EHD3: variants seen among roughly 807,000 people sequenced by gnomAD.
EHD3 encodes the protein EH domain-containing protein 3.
Under a neutral mutation model 43.0 loss-of-function variants are expected in EHD3, and 17 were observed. The observed-to-expected ratio is 0.40, with a 90% CI of 0.27 to 0.59. The LOEUF (loss-of-function observed/expected upper bound fraction) is 0.59, where lower values mean the gene tolerates loss of function less well. Among genes scored for constraint, EHD3 ranks in the 20% least tolerant of loss-of-function variants. The pLI is 0.49. For missense variants in EHD3, 594 were observed against 705.6 expected (o/e 0.84, Z 1.79); for synonymous variants, 313 against 289.5 (o/e 1.08, Z -0.82).
In EHD3 at chr2:31,244,410, T is replaced by C. The variant is rs1683480137; in HGVS notation, c.364T>C (p.Phe122Leu). Reference protein sequence around the residue: ...NALVVDPKKPFRKLNAFGNAF... With the variant: ...NALVVDPKKPLRKLNAFGNAF... Reference sequence around the variant, plus strand: ...CCTGGTGGTGGATCCCAAGAAACCCTTCAGGAAACTCAACGCCTTTGGCAA... The same window carrying C: ...CCTGGTGGTGGATCCCAAGAAACCCCTCAGGAAACTCAACGCCTTTGGCAA... The change falls in exon 2 of 6, where the codon TTC becomes CTC. Residue 122 changes from phenylalanine to leucine, a missense_variant. Physicochemically the swap from Phe to Leu is conservative, Grantham distance 22 (BLOSUM62 0). Transcript: ENST00000322054. The C allele has an allele frequency of 6.2e-7, 1 of 1,614,044 alleles. No individual in the cohort carries two copies. The highest frequency in any genetic ancestry group is 1.7e-5 in the Admixed American group (1 of 60,006).
chr2:31,235,343 G>A (rs771305317), intron 1 of EHD3, among the ~76,000 whole-genome samples: 10 of 152,130 alleles, frequency 6.6e-5, no homozygotes, highest in Admixed American at 2.6e-4. Flanking sequence ...AACGGAGGTG[G>A]CCTGGGGATG....
chr2:31,250,476 C>T (rs1683614628), intron 3 of EHD3, among the ~76,000 whole-genome samples: 1 of 152,106 alleles, frequency 6.6e-6, no homozygotes, highest in Non-Finnish European at 1.5e-5. Flanking sequence ...CCATGTTGGC[C>T]AGAATGGTCT....
chr2:31,247,353 CA>C (rs11286751), intron 2 of EHD3, among the ~76,000 whole-genome samples: 82,020 of 149,196 alleles, frequency 0.55, 22,451 homozygotes, highest in East Asian at 0.72. Flanking sequence ...ATATATTTTA[CA>C]AAAAAAAAAA....
In EHD3 at chr2:31,234,392, CCT is replaced by C. The variant is rs1193587293; in HGVS notation, c.-228_-227del. Reference sequence around the variant, plus strand: ...CCTCAAGCCCAGATTATTTATCCTCCCTCCGGCCTGGGCTGCTGGATGCAGCA... The same window carrying C: ...CCTCAAGCCCAGATTATTTATCCTCCCCGGCCTGGGCTGCTGGATGCAGCA... On this transcript the variant is annotated 5_prime_UTR_variant, in exon 1 of 6. Coordinates refer to ENST00000322054, the MANE Select transcript of EHD3 (RefSeq NM_014600.3). 156 of 563,052 alleles carry C rather than the reference CCT, an allele frequency of 2.8e-4. No homozygotes were observed. The highest frequency in any genetic ancestry group is 4.4e-4 in the Non-Finnish European group (140 of 315,802). 34.9% of individuals were successfully genotyped at this position (563,052 alleles called of 1,614,324 possible).
intron 5 of EHD3, among the ~76,000 whole-genome samples, chr2:31,263,310 A>G (rs1357176720): frequency 6.6e-6 from 1 of 152,250 alleles, no homozygotes; most frequent in African/African-American, 2.4e-5. Context: ...AACATTTGAA[A>G]GGGACCCTAA....
chr2:31,256,869 C>G (rs1683760789), intron 3 of EHD3, among the ~76,000 whole-genome samples: 1 of 152,254 alleles, frequency 6.6e-6, no homozygotes, highest in Non-Finnish European at 1.5e-5. Context: ...CTCTGACCCC[C>G]AGCATTGCAT....
intron 1 of EHD3, among the ~76,000 whole-genome samples, chr2:31,240,013 C>T (rs1413436511): frequency 6.6e-6 from 1 of 152,198 alleles, no homozygotes; most frequent in Non-Finnish European, 1.5e-5. Context: ...TGTCTGGCCA[C>T]CAGATTCTCC....
At chr2:31,262,833 T>G (rs1311412530) in intron 5 of EHD3, among the ~76,000 whole-genome samples, 1 of 152,208 alleles carries the variant, frequency 6.6e-6, no homozygotes, top group African/African-American at 2.4e-5. Flanking sequence ...GAGAATCACT[T>G]GAACCCAGGA....
At chr2:31,255,267 T>A (rs959820374) in intron 3 of EHD3, among the ~76,000 whole-genome samples, 2 of 152,140 alleles carry the variant, frequency 1.3e-5, no homozygotes, top group Non-Finnish European at 2.9e-5. Flanking sequence ...TCATGAACAC[T>A]TGGGCTGCCG....
intron 3 of EHD3, among the ~76,000 whole-genome samples, chr2:31,250,131 A>C: frequency 6.6e-6 from 1 of 151,770 alleles, no homozygotes. Context: ...TGGGGTGGGA[A>C]TAGTATTATC....
chr2:31,246,491 A>T (rs1201714743), intron 2 of EHD3, among the ~76,000 whole-genome samples: 1 of 152,234 alleles, frequency 6.6e-6, no homozygotes, highest in Non-Finnish European at 1.5e-5. Flanking sequence ...AACTGGGCTC[A>T]TCACAAGAGA....
At chr2:31,250,896 A>G (rs938532024) in intron 3 of EHD3, among the ~76,000 whole-genome samples, 5 of 152,210 alleles carry the variant, frequency 3.3e-5, no homozygotes, top group African/African-American at 1.2e-4. Flanking sequence ...GACTGTCTGC[A>G]TGTGCCTTCA....
rs766689098 is a variant in EHD3 at position 31,234,863 on chromosome 2, G to T, written c.227+15G>T. 73 of 1,613,482 alleles carry T rather than the reference G, an allele frequency of 4.5e-5. No homozygotes were observed. Among genetic ancestry groups the T allele is most frequent in the Non-Finnish European group, 5.9e-5 (70 of 1,179,652 alleles). On this transcript the variant is annotated intron_variant, in intron 1 of 5. Coordinates refer to ENST00000322054, the MANE Select transcript of EHD3 (RefSeq NM_014600.3). ...ACCTTCATCAGGTGAGCCGGCCCAG[G>T]GTCCTGGCAGCCCACCCCGGAGCCC... is the stretch of plus-strand genomic sequence containing the variant.
At chr2:31,262,921 T>TA (rs1221688221) in intron 5 of EHD3, among the ~76,000 whole-genome samples, 29 of 151,862 alleles carry the variant, frequency 1.9e-4, no homozygotes, top group Admixed American at 5.2e-4. Flanking sequence ...TCTCAAAAAA[T>TA]AAAAAAATTA....
intron 3 of EHD3, among the ~76,000 whole-genome samples, chr2:31,251,774 G>A (rs887951938): frequency 6.6e-6 from 1 of 152,154 alleles, no homozygotes; most frequent in Non-Finnish European, 1.5e-5. Context: ...TAAGCACCTG[G>A]CTCCCTGTTA....
At chr2:31,248,280 A>C (rs568419431) in intron 2 of EHD3, among the ~76,000 whole-genome samples, 1 of 152,208 alleles carries the variant, frequency 6.6e-6, no homozygotes, top group Non-Finnish European at 1.5e-5. Context: ...TAAATGCCCA[A>C]ATAAATGTTC....
Position 31,261,838 on chromosome 2 carries a change from G to C in EHD3, c.1080+125G>C, listed in dbSNP as rs1683865902. On this transcript the variant is annotated intron_variant, in intron 5 of 5. Transcript: ENST00000322054. ...AACCCCGCCCAGAATCTGCAGGCAA[G>C]GAGGTGGCCCTGGATCTACACTCCT... 2.4e-5 allele frequency: 25 copies of C among 1,045,732 alleles called. No individual in the cohort carries two copies. The South Asian group carries it at 2.5e-4, about 11-fold the overall frequency. The allele number at this position is 1,045,732 out of a possible 1,614,324, so 64.8% of individuals were successfully genotyped here.
chr2:31,252,219 T>C (rs1161602524), intron 3 of EHD3, among the ~76,000 whole-genome samples: 1 of 152,246 alleles, frequency 6.6e-6, no homozygotes. Flanking sequence ...GTGAGGTCTA[T>C]AGACCATATG....
chr2:31,257,898 C>T (rs544651202), intron 3 of EHD3, among the ~76,000 whole-genome samples: 19 of 152,242 alleles, frequency 1.2e-4, no homozygotes, highest in African/African-American at 4.3e-4. Flanking sequence ...CCCTCGATGA[C>T]GCACCCATCA....
Sources: allele counts gnomAD v4.1 joint callset (sites outside exome capture counted in the v4.1 genomes callset), GRCh38; gene constraint gnomAD v4.1.1; transcripts MANE v1.5; gene names NCBI Gene and HGNC (gene_info 2026-07-23, HGNC 2026-07-21).